Variants in RYR2 observed in about 807,000 individuals in gnomAD.
RYR2 encodes the protein ryanodine receptor 2, also known as cardiac muscle ryanodine receptor-calcium release channel.
Under a neutral mutation model 601.1 loss-of-function variants are expected in RYR2, and 227 were observed. The ratio of observed to expected loss-of-function variants is 0.38; its 90% CI spans 0.34 to 0.42. The LOEUF (loss-of-function observed/expected upper bound fraction) is 0.42, where lower values mean the gene tolerates loss of function less well. RYR2 is among the 10% of genes least tolerant of loss of function. The probability of loss-of-function intolerance (pLI) is 1.00; values close to 1 mark genes in which losing one functional copy is unlikely to be tolerated. For missense variants in RYR2, 4,646 were observed against 6,156.5 expected, an observed-to-expected ratio of 0.75 and a Z score of 8.21; for synonymous variants, 2,223 against 2,175.1, an observed-to-expected ratio of 1.02 and a Z score of -0.61.
chr1:237,681,351 G>T (rs1259047255), intron 62 of RYR2, among the ~76,000 whole-genome samples: 1 of 152,174 alleles, frequency 6.6e-6, no homozygotes, highest in African/African-American at 2.4e-5. Context: ...AGGCAGTACG[G>T]TCTCCACCTA....
chr1:237,528,184 A>G (rs1158796052), intron 24 of RYR2, among the ~76,000 whole-genome samples: 1 of 152,214 alleles, frequency 6.6e-6, no homozygotes, highest in Non-Finnish European at 1.5e-5. Context: ...TCAACTTAAT[A>G]AGGGAAGAAA....
At chr1:237,790,252 T>C (rs1658211427) in intron 92 of RYR2, among the ~76,000 whole-genome samples, 1 of 152,096 alleles carries the variant, frequency 6.6e-6, no homozygotes, top group Admixed American at 6.6e-5. Flanking sequence ...ATTCAGAAGG[T>C]ATCATCTTTG....
chr1:237,074,641 G>T (rs1260300390), intron 1 of RYR2, among the ~76,000 whole-genome samples: 1 of 152,218 alleles, frequency 6.6e-6, no homozygotes, highest in Non-Finnish European at 1.5e-5. Context: ...ACCACGGGTA[G>T]AATGTGTGTT....
chr1:237,431,890 A>T (rs1706841231), intron 12 of RYR2, among the ~76,000 whole-genome samples: 1 of 152,140 alleles, frequency 6.6e-6, no homozygotes, highest in Non-Finnish European at 1.5e-5. Flanking sequence ...AGGGTATGAA[A>T]CTTTACATTT....
chr1:237,346,585 G>C (rs1698333339), intron 3 of RYR2, among the ~76,000 whole-genome samples: 1 of 152,108 alleles, frequency 6.6e-6, no homozygotes, highest in African/African-American at 2.4e-5. Context: ...ATGTGTGTTA[G>C]TGTATGAGAT....
intron 104 of RYR2, 56 bp from the exon 105 acceptor site, chr1:237,832,496 G>A (rs2102967149): frequency 1.7e-6 from 2 of 1,169,708 alleles, no homozygotes; most frequent in Non-Finnish European, 2.5e-6. Flanking sequence ...TCTACCTTAT[G>A]TTTTGTTAGC....
chr1:237,329,729 G>C (rs1696529310), intron 2 of RYR2, among the ~76,000 whole-genome samples: 1 of 152,110 alleles, frequency 6.6e-6, no homozygotes, highest in South Asian at 2.1e-4. Context: ...TTGTGTAGTG[G>C]TAAGTCTGGG....
intron 2 of RYR2, among the ~76,000 whole-genome samples, chr1:237,319,083 G>T (rs1695374726): frequency 6.6e-6 from 1 of 151,780 alleles, no homozygotes. Context: ...ATCTGCAATT[G>T]AACCTCTTTA....
At position 237,275,881 on chromosome 1, in the gene RYR2, A is replaced by T. The variant is rs187874735; in HGVS notation, c.168+5265A>T. ...GAAGTTAATTTTTTAAAAAGCAAAA[A>T]CAAAATCAGCCCCCTAAAAAATAAA... On this transcript the variant is annotated intron_variant, in intron 2 of 104. Coordinates refer to ENST00000366574, the MANE Select transcript of RYR2 (RefSeq NM_001035.3). 5.2e-4 allele frequency among the ~76,000 whole-genome samples: 79 copies of T among 152,278 alleles called. 1 individual carries two copies. In the East Asian group the frequency reaches 0.015, roughly 29 times the overall value.
chr1:237,533,478 T>G (rs1264820867), intron 25 of RYR2, among the ~76,000 whole-genome samples: 3 of 152,054 alleles, frequency 2.0e-5, no homozygotes, highest in African/African-American at 4.8e-5. Flanking sequence ...TTATTTGGAA[T>G]AGCTAAAGAA....
chr1:237,102,177 A>G (rs1668175137), intron 1 of RYR2, among the ~76,000 whole-genome samples: 1 of 152,090 alleles, frequency 6.6e-6, no homozygotes, highest in African/African-American at 2.4e-5. Flanking sequence ...CAGGATTTAG[A>G]CGGGAGCTTG....
chr1:237,317,954 G>A (rs1695269206), intron 2 of RYR2, among the ~76,000 whole-genome samples: 1 of 152,030 alleles, frequency 6.6e-6, no homozygotes, highest in Non-Finnish European at 1.5e-5. Flanking sequence ...TACATATTTT[G>A]TGTGATATAA....
chr1:237,058,141 G>A (rs2148214121), intron 1 of RYR2, among the ~76,000 whole-genome samples: 1 of 152,274 alleles, frequency 6.6e-6, no homozygotes, highest in African/African-American at 2.4e-5. Flanking sequence ...CAAAAAGAAG[G>A]TAGGGCTTAT....
chr1:237,320,575 T>C (rs892968290), intron 2 of RYR2, among the ~76,000 whole-genome samples: 3 of 152,204 alleles, frequency 2.0e-5, no homozygotes, highest in African/African-American at 4.8e-5. Flanking sequence ...ACAGCTCTAG[T>C]TTCAGTTCCA....
chr1:237,733,582 A>C, intron 78 of RYR2, 123 bp from the exon 79 acceptor site: 1 of 698,426 alleles, frequency 1.4e-6, no homozygotes, highest in Non-Finnish European at 2.6e-6. Context: ...TTTTGTGTTC[A>C]TTTAATTTTA....
intron 1 of RYR2, among the ~76,000 whole-genome samples, chr1:237,209,201 AAG>A (rs1028381620): frequency 6.6e-6 from 1 of 150,978 alleles, no homozygotes; most frequent in Non-Finnish European, 1.5e-5. Flanking sequence ...ATATTTTAGA[AAG>A]AGTTTATGCA....
chr1:237,680,752 G>A (rs868047976), intron 62 of RYR2, among the ~76,000 whole-genome samples, 175 bp downstream of exon 62: 13 of 152,302 alleles, frequency 8.5e-5, no homozygotes, highest in Middle Eastern at 6.8e-3. Flanking sequence ...TTGGATATGT[G>A]TTCTAGATGT....
chr1:237,490,199 CA>C (rs2150405418), intron 17 of RYR2, among the ~76,000 whole-genome samples: 1 of 152,264 alleles, frequency 6.6e-6, no homozygotes, highest in African/African-American at 2.4e-5. Context: ...GGGGATCGAA[CA>C]AGGGTTGAAA....
chr1:237,195,741 C>T (rs1277121910), intron 1 of RYR2, among the ~76,000 whole-genome samples: 1 of 152,160 alleles, frequency 6.6e-6, no homozygotes, highest in African/African-American at 2.4e-5. Flanking sequence ...TATTTGTCCC[C>T]TTTTGACCTG....
Sources: allele counts gnomAD v4.1 joint callset (sites outside exome capture counted in the v4.1 genomes callset), GRCh38; gene constraint gnomAD v4.1.1; transcripts MANE v1.5; gene names NCBI Gene and HGNC (gene_info 2026-07-23, HGNC 2026-07-21).